The following KLF8 variants were observed in gnomAD, a reference collection of about 807,000 sequenced individuals.
The protein encoded by KLF8 is KLF transcription factor 8.
In KLF8, 10 loss-of-function variants were observed where a neutral mutation model predicts 18.2. The observed-to-expected ratio is 0.55, with a 90% CI of 0.34 to 0.93. The LOEUF (loss-of-function observed/expected upper bound fraction) is 0.93, where lower values mean the gene tolerates loss of function less well. Ranked by LOEUF, KLF8 falls within the 40% of genes least tolerant of loss-of-function variation. The pLI is 0.02. For missense variants in KLF8, 264 were observed against 277.9 expected, an observed-to-expected ratio of 0.95 and a Z score of 0.36; for synonymous variants, 109 against 97.3, an observed-to-expected ratio of 1.12 and a Z score of -0.71.
the KLF8 span, among the ~76,000 whole-genome samples, chrX:56,146,144 G>C: frequency 8.9e-6 from 1 of 112,020 alleles, no homozygotes; most frequent in Non-Finnish European, 1.9e-5. Context: ...CATTTTGGAA[G>C]ACAGTGTGGC....
At chrX:56,178,962 T>G in the KLF8 span, among the ~76,000 whole-genome samples, 26 of 112,285 alleles carry the variant, frequency 2.3e-4, 1 homozygote, top group Admixed American at 1.4e-3. Context: ...GCCTTGGCAA[T>G]GTGGGCTCTT....
chrX:56,141,486 T>A, the KLF8 span, among the ~76,000 whole-genome samples: 1 of 111,531 alleles, frequency 9.0e-6, no homozygotes, highest in African/African-American at 3.2e-5. Context: ...TATTAAGTAA[T>A]CTATTTTTTC....
the KLF8 span, among the ~76,000 whole-genome samples, chrX:56,186,654 A>T: frequency 8.9e-6 from 1 of 111,874 alleles, no homozygotes; most frequent in Non-Finnish European, 1.9e-5. Flanking sequence ...AATGTAAAAG[A>T]TCAGAAATTA....
chrX:56,125,177 G>A, the KLF8 span, among the ~76,000 whole-genome samples: 2 of 111,966 alleles, frequency 1.8e-5, no homozygotes, highest in Non-Finnish European at 3.8e-5. Context: ...AGATGTAGCA[G>A]ACATGACATC....
the KLF8 span, among the ~76,000 whole-genome samples, chrX:56,112,223 A>G: frequency 9.0e-6 from 1 of 111,692 alleles, no homozygotes; most frequent in Non-Finnish European, 1.9e-5. Context: ...TCAACAAGCT[A>G]ACACAAGAAC....
At chrX:56,015,980 C>T in the KLF8 span, among the ~76,000 whole-genome samples, 1 of 112,210 alleles carries the variant, frequency 8.9e-6, no homozygotes, top group African/African-American at 3.2e-5. Flanking sequence ...TATGTGTGTA[C>T]ATATGTGTAT....
At chrX:56,156,935 G>T in the KLF8 span, among the ~76,000 whole-genome samples, 1 of 109,429 alleles carries the variant, frequency 9.1e-6, no homozygotes, top group Non-Finnish European at 1.9e-5. Context: ...ACATGCTCAT[G>T]TATGTTTATT....
At chrX:56,199,833 A>G in the KLF8 span, among the ~76,000 whole-genome samples, 1 of 111,857 alleles carries the variant, frequency 8.9e-6, no homozygotes, top group African/African-American at 3.2e-5. Flanking sequence ...AAACAACCCA[A>G]GTGTCCATCA....
the KLF8 span, among the ~76,000 whole-genome samples, chrX:56,098,403 C>T: frequency 8.9e-6 from 1 of 112,002 alleles, no homozygotes; most frequent in Non-Finnish European, 1.9e-5. Context: ...TGAGGTTTAT[C>T]TCTGGGAATC....
At chrX:56,118,153 C>A in the KLF8 span, among the ~76,000 whole-genome samples, 4 of 111,766 alleles carry the variant, frequency 3.6e-5, no homozygotes, top group Non-Finnish European at 7.5e-5. Context: ...GGACAAAAAT[C>A]AGACTATAGC....
the KLF8 span, among the ~76,000 whole-genome samples, chrX:55,914,264 C>T: frequency 1.9e-4 from 21 of 111,796 alleles, no homozygotes; most frequent in African/African-American, 3.2e-4. Context: ...AGTTATTCAT[C>T]CCATTTATTT....
chrX:55,958,950 A>T, the KLF8 span, among the ~76,000 whole-genome samples: 8 of 111,694 alleles, frequency 7.2e-5, no homozygotes, highest in Admixed American at 6.6e-4. Flanking sequence ...CTGCCACCCT[A>T]CTGATGCACA....
chrX:56,184,296 G>A, the KLF8 span, among the ~76,000 whole-genome samples: 5 of 112,210 alleles, frequency 4.5e-5, no homozygotes, highest in African/African-American at 1.6e-4. Flanking sequence ...AGATCAAACT[G>A]CAAGGCGGGA....
chrX:56,175,720 C>A, the KLF8 span, among the ~76,000 whole-genome samples: 2 of 110,828 alleles, frequency 1.8e-5, no homozygotes, highest in Non-Finnish European at 3.8e-5. Context: ...CCATTATTAT[C>A]GCGTGGGAGT....
At chrX:56,177,809 C>T in the KLF8 span, among the ~76,000 whole-genome samples, 1 of 111,518 alleles carries the variant, frequency 9.0e-6, no homozygotes, top group Non-Finnish European at 1.9e-5. Flanking sequence ...TGGGGTCACC[C>T]CTCCCCCAGC....
At chrX:55,953,466 A>G in the KLF8 span, among the ~76,000 whole-genome samples, 1 of 109,443 alleles carries the variant, frequency 9.1e-6, no homozygotes. Flanking sequence ...TTTTTTTTGC[A>G]GAAATTGATA....
the KLF8 span, among the ~76,000 whole-genome samples, chrX:56,187,745 G>T: frequency 1.8e-5 from 2 of 110,959 alleles, no homozygotes; most frequent in Non-Finnish European, 3.8e-5. Flanking sequence ...ATGTAATCCA[G>T]CATATAAACA....
At chrX:56,201,258 C>T in the KLF8 span, among the ~76,000 whole-genome samples, 1 of 112,003 alleles carries the variant, frequency 8.9e-6, no homozygotes, top group Non-Finnish European at 1.9e-5. Context: ...TACATACATA[C>T]AGTGAAATAT....
At chrX:55,939,975 A>G in the KLF8 span, among the ~76,000 whole-genome samples, 2 of 111,877 alleles carry the variant, frequency 1.8e-5, no homozygotes, top group East Asian at 5.6e-4. Context: ...CATTCCTTCT[A>G]AAACTATTCC....
Sources: gnomAD v4.1 joint callset for allele counts (sites outside exome capture counted in the v4.1 genomes callset) on GRCh38, gnomAD v4.1.1 for gene constraint, MANE v1.5 for transcripts, NCBI Gene and HGNC (gene_info 2026-07-23, HGNC 2026-07-21) for gene names.